Variants in GPC3 observed in about 807,000 individuals in gnomAD.
The protein encoded by GPC3 is glypican-3.
A neutral mutation model predicts 34.4 loss-of-function variants in GPC3; 3 were observed. That is an observed-to-expected ratio of 0.09 (90% confidence interval 0.04 to 0.23). GPC3 has a LOEUF of 0.23. Among genes scored for constraint, GPC3 ranks in the 10% least tolerant of loss-of-function variants. The probability of loss-of-function intolerance (pLI) is 1.00; values close to 1 mark genes in which losing one functional copy is unlikely to be tolerated. For synonymous variants in GPC3, 177 were observed against 174.0 expected (o/e 1.02, Z -0.13); for missense variants, 351 against 445.6 (o/e 0.79, Z 1.91).
At chrX:133,649,472 A>C (rs1273207213) in intron 6 of GPC3, among the ~76,000 whole-genome samples, 14 of 111,299 alleles carry the variant, frequency 1.3e-4, no homozygotes, top group Non-Finnish European at 2.4e-4. Flanking sequence ...TTTAACAATA[A>C]TTTGGACCAT....
chrX:133,794,712 C>G (rs5977912), intron 2 of GPC3, among the ~76,000 whole-genome samples: 9,721 of 111,717 alleles, frequency 0.087, 1,057 homozygotes, highest in African/African-American at 0.29. Flanking sequence ...AGAATCCCCA[C>G]TGTAAATGCA....
intron 2 of GPC3, among the ~76,000 whole-genome samples, chrX:133,836,754 A>C (rs1256061287): frequency 9.0e-6 from 1 of 111,476 alleles, no homozygotes; most frequent in Non-Finnish European, 1.9e-5. Context: ...AAATTCTTCC[A>C]GGCAAGAGTA....
At chrX:133,619,033 CT>C (rs1331007794) in intron 6 of GPC3, among the ~76,000 whole-genome samples, 1 of 111,338 alleles carries the variant, frequency 9.0e-6, no homozygotes, top group African/African-American at 3.3e-5. Context: ...GACAAAGGAT[CT>C]GAATAAACAT....
chrX:133,962,982 T>G (rs1462784107), intron 1 of GPC3, among the ~76,000 whole-genome samples: 1 of 112,093 alleles, frequency 8.9e-6, no homozygotes, highest in Non-Finnish European at 1.9e-5. Flanking sequence ...CTCAAAGGGA[T>G]TGGACTAGCA....
chrX:133,932,840 C>A (rs989090382), intron 2 of GPC3, among the ~76,000 whole-genome samples: 8 of 111,293 alleles, frequency 7.2e-5, no homozygotes, highest in Non-Finnish European at 1.3e-4. Context: ...CAGTTAAGAA[C>A]CAATGTGCCA....
rs901308498 is a variant in GPC3 at position 133,937,625 on chromosome X, C to T, written c.337+15425G>A. Among the ~76,000 whole-genome samples the T allele has an allele frequency of 3.6e-5, 4 of 110,763 alleles. No individual in the cohort carries two copies. In the East Asian group the frequency reaches 1.1e-3, roughly 31 times the overall value. ...CAGGAAAAAAATGAGAAAGCCTATGCTCACCACAGTGATCTCTGGATGTTA... is the reference window on the plus strand; with the variant it reads ...CAGGAAAAAAATGAGAAAGCCTATGTTCACCACAGTGATCTCTGGATGTTA... On this transcript the variant is annotated intron_variant, in intron 2 of 7. Transcript: ENST00000370818.
chrX:133,573,616 T>C (rs1311978925), intron 7 of GPC3, among the ~76,000 whole-genome samples: 2 of 112,029 alleles, frequency 1.8e-5, no homozygotes, highest in East Asian at 5.6e-4. Flanking sequence ...CAAATATATA[T>C]AGACTTGCAA....
chrX:133,975,930 T>C lies in GPC3; in HGVS notation c.175+9345A>G, dbSNP rs186053560. Reference sequence around the variant, plus strand: ...ACTGCTTCTTGGGTCACATTCTCATTTCTATGGCACTCAACATGCAAAGCT... The same window carrying C: ...ACTGCTTCTTGGGTCACATTCTCATCTCTATGGCACTCAACATGCAAAGCT... On this transcript the variant is annotated intron_variant, in intron 1 of 7. Transcript: ENST00000370818. 3.9e-3 allele frequency among the ~76,000 whole-genome samples: 440 copies of C among 111,754 alleles called. 5 individuals carry two copies. Among genetic ancestry groups the C allele is most frequent in the African/African-American group, 0.013 (388 of 30,758 alleles).
intron 1 of GPC3, among the ~76,000 whole-genome samples, chrX:133,961,961 A>T (rs1413457431): frequency 4.5e-5 from 5 of 111,930 alleles, no homozygotes; most frequent in Non-Finnish European, 9.4e-5. Flanking sequence ...TGATTATGTC[A>T]TTCTACTTCT....
At chrX:133,677,140 AC>A (rs997263372) in intron 5 of GPC3, among the ~76,000 whole-genome samples, 1 of 111,579 alleles carries the variant, frequency 9.0e-6, no homozygotes, top group African/African-American at 3.3e-5. Flanking sequence ...TGTGAGTTGT[AC>A]CCCAAACTCT....
At chrX:133,746,225 G>T (rs1310796130) in intron 3 of GPC3, among the ~76,000 whole-genome samples, 2 of 111,930 alleles carry the variant, frequency 1.8e-5, no homozygotes, top group Non-Finnish European at 3.8e-5. Flanking sequence ...TGCAATCAGG[G>T]TAAAAATCTC....
At chrX:133,769,259 T>C (rs946558485) in intron 2 of GPC3, among the ~76,000 whole-genome samples, 2 of 111,928 alleles carry the variant, frequency 1.8e-5, no homozygotes, top group African/African-American at 6.5e-5. Flanking sequence ...GTATCATCAT[T>C]CAATTGGTAC....
chrX:133,693,156 A>AGTGTGTGTGTGT (rs57735935), intron 4 of GPC3, among the ~76,000 whole-genome samples: 1 of 89,408 alleles, frequency 1.1e-5, no homozygotes, highest in Non-Finnish European at 2.2e-5. Context: ...TAATAAGACA[A>AGTGTGTGTGTGT]GTGTGTGTGT....
At chrX:133,912,722 A>G (rs180744306) in intron 2 of GPC3, among the ~76,000 whole-genome samples, 2 of 111,450 alleles carry the variant, frequency 1.8e-5, no homozygotes, top group East Asian at 2.8e-4. Flanking sequence ...AGAGATTGAA[A>G]TGGAAAAATA....
intron 2 of GPC3, among the ~76,000 whole-genome samples, chrX:133,862,452 G>A (rs1401330950): frequency 9.3e-6 from 1 of 107,574 alleles, no homozygotes; most frequent in Admixed American, 1.0e-4. Flanking sequence ...AGGCCAAGGC[G>A]GGCAGATCAC....
rs1170919351 is a variant in GPC3, at chrX:133,806,001, T to C, written c.338-51825A>G. Among the ~76,000 whole-genome samples the C allele has an allele frequency of 4.5e-5, 5 of 112,323 alleles. No individual in the cohort carries two copies. The East Asian group carries it at 1.4e-3, about 31-fold the overall frequency. Reference sequence around the variant, plus strand: ...AGTATATCCCAGGGAAAGAGTACACTATATTTAGTAGCCAGTTATATGTGG... The same window carrying C: ...AGTATATCCCAGGGAAAGAGTACACCATATTTAGTAGCCAGTTATATGTGG... On this transcript the variant is annotated intron_variant, in intron 2 of 7. Coordinates refer to ENST00000370818, the MANE Select transcript of GPC3 (RefSeq NM_004484.4).
At chrX:133,692,034 C>T (rs2071069246) in intron 5 of GPC3, among the ~76,000 whole-genome samples, 2 of 112,589 alleles carry the variant, frequency 1.8e-5, no homozygotes, top group Admixed American at 1.9e-4. Context: ...TTGCAACCTC[C>T]ACCTCCCAGG....
intron 2 of GPC3, among the ~76,000 whole-genome samples, chrX:133,919,349 T>C (rs772215070): frequency 1.8e-5 from 2 of 112,176 alleles, no homozygotes; most frequent in South Asian, 7.6e-4. Flanking sequence ...AGTGTGTATA[T>C]GTAAATATAA....
intron 2 of GPC3, among the ~76,000 whole-genome samples, chrX:133,757,629 ATC>A (rs1328915208): frequency 9.0e-6 from 1 of 111,318 alleles, no homozygotes. Flanking sequence ...GAACCATGGA[ATC>A]TCTTTCAAGC....
Sources: allele counts gnomAD v4.1 joint callset (sites outside exome capture counted in the v4.1 genomes callset), GRCh38; gene constraint gnomAD v4.1.1; transcripts MANE v1.5; gene names NCBI Gene and HGNC (gene_info 2026-07-23, HGNC 2026-07-21).